Variants in ZKSCAN2 observed in about 807,000 individuals in gnomAD.
The protein encoded by ZKSCAN2 is zinc finger with KRAB and SCAN domains 2, also known as zinc finger protein with KRAB and SCAN domains 2.
ZKSCAN2 carries 38 observed loss-of-function variants against 90.5 expected under a neutral mutation model. The ratio of observed to expected loss-of-function variants is 0.42; its 90% CI spans 0.32 to 0.55. ZKSCAN2 has a LOEUF of 0.55. Among genes scored for constraint, ZKSCAN2 ranks in the 20% least tolerant of loss-of-function variants. The pLI is 0.11. For missense variants in ZKSCAN2, 1,167 were observed against 1,202.6 expected, an observed-to-expected ratio of 0.97 and a Z score of 0.44; for synonymous variants, 429 against 421.6, an observed-to-expected ratio of 1.02 and a Z score of -0.22.
In ZKSCAN2 at chr16:25,239,512, ATCTT is replaced by A. The variant is rs1286943834; in HGVS notation, c.*300_*303del. On this transcript the variant is annotated 3_prime_UTR_variant, in exon 7 of 7. Coordinates refer to ENST00000328086, the MANE Select transcript of ZKSCAN2 (RefSeq NM_001012981.5). ...AAGACAACTCTCACCCATATGGAAG[ATCTT>A]GAATGTTGCCGAACTTAGCAATCCA... 4.0e-6 allele frequency: 1 copy of A among 247,408 alleles called. No homozygotes were observed. The highest frequency in any genetic ancestry group is 7.6e-5 in the East Asian group (1 of 13,192). 15.3% of individuals were successfully genotyped at this position (247,408 alleles called of 1,614,324 possible). A position where few individuals can be genotyped will look rare whatever the true frequency, so the allele number is the denominator to read the frequency against.
At chr16:25,245,317 T>G (rs1962915541) in intron 5 of ZKSCAN2, among the ~76,000 whole-genome samples, 1 of 152,178 alleles carries the variant, frequency 6.6e-6, no homozygotes, top group Admixed American at 6.5e-5. Flanking sequence ...GTTGCCCAGC[T>G]GCTCTCAAAC....
At chr16:25,254,836 C>G (rs1164034618) in intron 2 of ZKSCAN2, among the ~76,000 whole-genome samples, 3 of 151,466 alleles carry the variant, frequency 2.0e-5, no homozygotes, top group Non-Finnish European at 4.4e-5. Flanking sequence ...CTCTGTCACC[C>G]AGGCTGGAAT....
chr16:25,240,708 T>G lies in ZKSCAN2; in HGVS notation c.2012A>C (p.Asp671Ala). ...DFEIGSSIKE[D>A]PTQIVYKDME... ...GTCCTTATATACTATCTGTGTTGGATCCTCCTTGATGCTACTTCCGATTTC... is the reference window on the plus strand; with the variant it reads ...GTCCTTATATACTATCTGTGTTGGAGCCTCCTTGATGCTACTTCCGATTTC... Residue 671 changes from aspartate (D) to alanine (A), a missense_variant, in exon 7 of 7, where the codon GAT becomes GCT. Physicochemically the swap from Asp to Ala is moderately radical, Grantham distance 126. Transcript: ENST00000328086. The G allele has an allele frequency of 6.2e-7, 1 of 1,610,418 alleles. No individual in the cohort carries two copies. The highest frequency in any genetic ancestry group is 1.1e-5 in the South Asian group (1 of 90,888).
At chr16:25,246,525 T>C (rs1160076265) in intron 5 of ZKSCAN2, 182 bp downstream of exon 5, 12 of 637,860 alleles carry the variant, frequency 1.9e-5, no homozygotes, top group Non-Finnish European at 3.0e-5. Context: ...GAGCTGTTAC[T>C]CTGACTGCAA....
At chr16:25,242,912 G>A (rs1962875422) in intron 6 of ZKSCAN2, among the ~76,000 whole-genome samples, 1 of 152,254 alleles carries the variant, frequency 6.6e-6, no homozygotes, top group Admixed American at 6.5e-5. Context: ...AGACGTGATA[G>A]TCTGGATGAG....
At chr16:25,252,325 GTAAAGTAAGTATATT>G (rs1458576855) in intron 3 of ZKSCAN2, among the ~76,000 whole-genome samples, 2 of 152,076 alleles carry the variant, frequency 1.3e-5, no homozygotes, top group African/African-American at 2.4e-5. Context: ...TTTACAGTAA[GTAAAGTAAGTATATT>G]TAAAGTAAGT....
In ZKSCAN2 at chr16:25,257,198, G is replaced by A; in HGVS notation, c.-71C>T. ...CCAAAGAAGACTCCAAGCGCTCCCT[G>A]CTTAATGTTCCTGGGAGTGTGATAA... On this transcript the variant is annotated 5_prime_UTR_variant, in exon 1 of 7. Transcript: ENST00000328086. 3 of 1,517,684 alleles carry A rather than the reference G, an allele frequency of 2.0e-6. No individual in the cohort carries two copies. The highest frequency in any genetic ancestry group is 2.3e-5 in the East Asian group (1 of 44,122). 94.0% of individuals were successfully genotyped at this position (1,517,684 alleles called of 1,614,324 possible).
rs1301707220 is a variant in ZKSCAN2, at chr16:25,246,799, G to C, written c.1397C>G (p.Ala466Gly). 2 of 1,614,074 alleles carry C rather than the reference G, an allele frequency of 1.2e-6. No individual in the cohort carries two copies. Among genetic ancestry groups the C allele is most frequent in the African/African-American group, 2.7e-5 (2 of 74,934 alleles). The change falls in exon 5 of 7, where the codon GCT (alanine) becomes GGT (glycine). Residue 466 changes from alanine to glycine, a missense_variant. By Grantham distance (60) the Ala-to-Gly change is moderately conservative. Transcript: ENST00000328086. ...TTCATCATCATCAGAATCTTCTGCA[G>C]CTTCCTCCTCCTCCACCAAGCTGAT... Reference protein sequence around the residue: ...EHISLVEEEEAAEDSDDDEIG... With the variant: ...EHISLVEEEEGAEDSDDDEIG...
At chr16:25,240,941 G>A (rs566263484) in intron 6 of ZKSCAN2, among the ~76,000 whole-genome samples, 1 of 152,164 alleles carries the variant, frequency 6.6e-6, no homozygotes, top group Admixed American at 6.5e-5. Flanking sequence ...CTTAAGAAAT[G>A]TTTCCTGCAT....
chr16:25,240,573 T>C lies in ZKSCAN2; in HGVS notation c.2147A>G (p.Asn716Ser). ...RECISGRQWE[N>S]LQGIRQGKPM... is the part of the protein sequence containing the mutation. ...CTTTCCCTGTCTAATTCCTTGAAGA[T>C]TTTCCCATTGTCTTCCTGAGATGCA... The change falls in exon 7 of 7, where the codon AAT becomes AGT. Residue 716 changes from asparagine (N) to serine (S), a missense_variant. By Grantham distance (46) the Asn-to-Ser change is conservative. Transcript: ENST00000328086. The C allele has an allele frequency of 6.2e-7, 1 of 1,614,180 alleles. No homozygotes were observed. Among genetic ancestry groups the C allele is most frequent in the African/African-American group, 1.3e-5 (1 of 75,040 alleles).
rs1364000979 is a variant in ZKSCAN2, at chr16:25,239,575, C to T, written c.*241G>A. On this transcript the variant is annotated 3_prime_UTR_variant, in exon 7 of 7. Transcript: ENST00000328086. ...GGCCTCAATGTACTGAAGGGTATTT[C>T]ATTCTGAACTCGGACAATGTATCTT... 6 of 425,960 alleles carry T rather than the reference C, an allele frequency of 1.4e-5. No homozygotes were observed. The highest frequency in any genetic ancestry group is 2.5e-5 in the Non-Finnish European group (6 of 239,496). The allele number at this position is 425,960 out of a possible 1,614,324, so 26.4% of individuals were successfully genotyped here. A position where few individuals can be genotyped will look rare whatever the true frequency, so the allele number is the denominator to read the frequency against.
intron 1 of ZKSCAN2, 101 bp downstream of exon 1, chr16:25,256,628 T>C (rs1963106094): frequency 3.0e-6 from 4 of 1,353,130 alleles, no homozygotes; most frequent in South Asian, 1.4e-5. Flanking sequence ...GTACCATTTA[T>C]CTTTCTCTGA....
rs1597637823 is a variant in ZKSCAN2 at position 25,239,558 on chromosome 16, T to C, written c.*258A>G. The C allele has an allele frequency of 8.6e-6, 3 of 350,232 alleles. No individual in the cohort carries two copies. Among genetic ancestry groups the C allele is most frequent in the Non-Finnish European group, 1.0e-5 (2 of 193,130 alleles). 21.7% of individuals were successfully genotyped at this position (350,232 alleles called of 1,614,324 possible). A position where few individuals can be genotyped will look rare whatever the true frequency, so the allele number is the denominator to read the frequency against. Reference sequence around the variant, plus strand: ...AGCAATCCAGTTGCAGTGGCCTCAATGTACTGAAGGGTATTTCATTCTGAA... The same window carrying C: ...AGCAATCCAGTTGCAGTGGCCTCAACGTACTGAAGGGTATTTCATTCTGAA... On this transcript the variant is annotated 3_prime_UTR_variant, in exon 7 of 7. Transcript: ENST00000328086.
chr16:25,253,438 T>TCCTCTCTC (rs1963050564), intron 2 of ZKSCAN2, among the ~76,000 whole-genome samples: 1 of 142,662 alleles, frequency 7.0e-6, no homozygotes, highest in Admixed American at 6.9e-5. Flanking sequence ...TTTTCTCCCT[T>TCCTCTCTC]CCTCTCTCTC....
chr16:25,250,358 T>C (rs1597644874), intron 4 of ZKSCAN2, among the ~76,000 whole-genome samples: 2 of 151,710 alleles, frequency 1.3e-5, no homozygotes, highest in East Asian at 3.9e-4. Context: ...TGGAGGGCAT[T>C]GTGCTAAGTG....
chr16:25,247,968 T>C (rs2047729185), intron 4 of ZKSCAN2, among the ~76,000 whole-genome samples: 1 of 152,148 alleles, frequency 6.6e-6, no homozygotes, highest in African/African-American at 2.4e-5. Flanking sequence ...TAAATAATCT[T>C]TGACAGAGTG....
intron 6 of ZKSCAN2, among the ~76,000 whole-genome samples, chr16:25,241,796 G>A (rs1014031114): frequency 1.3e-5 from 2 of 152,178 alleles, no homozygotes; most frequent in Admixed American, 6.5e-5. Context: ...TCAATCCCAA[G>A]TGTGGAGGCT....
rs1962828191 is a variant in ZKSCAN2, at chr16:25,240,119, A to T, written c.2601T>A (p.Ser867Arg). Residue 867 changes from serine (S) to arginine (R), a missense_variant, in exon 7 of 7, where the codon AGT becomes AGA. Physicochemically the swap from Ser to Arg is moderately radical, Grantham distance 110. Coordinates refer to ENST00000328086, the MANE Select transcript of ZKSCAN2 (RefSeq NM_001012981.5). ...CGCTGAAATGAGAACTGTTGGTGAA[A>T]CTTTTCCCACACTCTCCACACTGAT... The part of the protein sequence containing the change: ...KPYQCGECGK[S>R]FTNSSHFSAH... 6.2e-7 allele frequency: 1 copy of T among 1,613,558 alleles called. No individual in the cohort carries two copies. The highest frequency in any genetic ancestry group is 1.1e-5 in the South Asian group (1 of 91,042).
intron 3 of ZKSCAN2, 105 bp downstream of exon 3, chr16:25,252,841 G>A: frequency 1.1e-6 from 1 of 898,060 alleles, no homozygotes; most frequent in South Asian, 1.3e-5. Context: ...CTTGAACCCA[G>A]GAGGCAGAGG....
Sources: gnomAD v4.1 joint callset for allele counts (sites outside exome capture counted in the v4.1 genomes callset) on GRCh38, gnomAD v4.1.1 for gene constraint, MANE v1.5 for transcripts, NCBI Gene and HGNC (gene_info 2026-07-23, HGNC 2026-07-21) for gene names.